LOC128462377: variants seen among roughly 807,000 people sequenced by gnomAD.
chr16:89,369,293 A>G, the LOC128462377 span, among the ~76,000 whole-genome samples: 1 of 152,184 alleles, frequency 6.6e-6, no homozygotes, highest in Non-Finnish European at 1.5e-5. Context: ...TCTCCACGAC[A>G]CTCGCAGGTC....
At chr16:89,377,040 G>A in the LOC128462377 span, among the ~76,000 whole-genome samples, 1 of 152,204 alleles carries the variant, frequency 6.6e-6, no homozygotes, top group South Asian at 2.1e-4. Flanking sequence ...TGCTTTGTCC[G>A]TGAAGTCAGG....
the LOC128462377 span, among the ~76,000 whole-genome samples, chr16:89,391,425 G>A: frequency 2.6e-5 from 4 of 152,194 alleles, no homozygotes; most frequent in African/African-American, 9.6e-5. Flanking sequence ...CAGGCTGCAC[G>A]GGATTGTGGG....
chr16:89,317,932 A>C, the LOC128462377 span, among the ~76,000 whole-genome samples: 1 of 152,142 alleles, frequency 6.6e-6, no homozygotes, highest in Non-Finnish European at 1.5e-5. Context: ...CCCTGCCTGA[A>C]ACCAGCGCAG....
At chr16:89,364,204 T>G in the LOC128462377 span, among the ~76,000 whole-genome samples, 1 of 152,240 alleles carries the variant, frequency 6.6e-6, no homozygotes, top group Non-Finnish European at 1.5e-5. Context: ...CTTCCACCTG[T>G]GCCCTCAGGC....
chr16:89,396,876 G>A, the LOC128462377 span, among the ~76,000 whole-genome samples: 23 of 152,180 alleles, frequency 1.5e-4, no homozygotes, highest in African/African-American at 4.8e-4. Context: ...TAGTAAAGAC[G>A]GGGTTTCACC....
At chr16:89,333,643 T>A in the LOC128462377 span, among the ~76,000 whole-genome samples, 2 of 152,208 alleles carry the variant, frequency 1.3e-5, no homozygotes, top group Non-Finnish European at 2.9e-5. Flanking sequence ...ACGGGCTGCT[T>A]TCACTCAGGC....
At chr16:89,415,778 A>G in the LOC128462377 span, among the ~76,000 whole-genome samples, 13 of 139,302 alleles carry the variant, frequency 9.3e-5, no homozygotes, top group South Asian at 9.8e-4. Context: ...CAGTGAGCCG[A>G]GATTGCACCA....
chr16:89,345,606 T>C, the LOC128462377 span, among the ~76,000 whole-genome samples: 1 of 152,162 alleles, frequency 6.6e-6, no homozygotes, highest in Non-Finnish European at 1.5e-5. Flanking sequence ...TACAGCGGCA[T>C]AAACAGGCTA....
At chr16:89,353,560 C>T in the LOC128462377 span, among the ~76,000 whole-genome samples, 2 of 151,862 alleles carry the variant, frequency 1.3e-5, no homozygotes, top group Non-Finnish European at 2.9e-5. Context: ...TCACTGCAAC[C>T]TCCGCCTTCC....
chr16:89,338,210 C>T, the LOC128462377 span, among the ~76,000 whole-genome samples: 1 of 152,184 alleles, frequency 6.6e-6, no homozygotes, highest in Middle Eastern at 3.4e-3. Context: ...GGGGGTGGGA[C>T]CTCTGCAGCC....
the LOC128462377 span, among the ~76,000 whole-genome samples, chr16:89,333,083 G>A: frequency 1.3e-5 from 2 of 152,194 alleles, no homozygotes; most frequent in South Asian, 2.1e-4. Flanking sequence ...GCAGAAAAAC[G>A]CCTGCCCCCT....
the LOC128462377 span, among the ~76,000 whole-genome samples, chr16:89,341,462 A>C: frequency 6.6e-6 from 1 of 152,188 alleles, no homozygotes; most frequent in Non-Finnish European, 1.5e-5. Flanking sequence ...AGGTTCCAGA[A>C]GGCCTGTGTG....
chr16:89,377,266 T>C, the LOC128462377 span, among the ~76,000 whole-genome samples: 1 of 151,722 alleles, frequency 6.6e-6, no homozygotes, highest in African/African-American at 2.4e-5. Context: ...ACTGTCAACA[T>C]GGGAGAGAGA....
the LOC128462377 span, among the ~76,000 whole-genome samples, chr16:89,332,020 C>T: frequency 6.6e-6 from 1 of 152,098 alleles, no homozygotes; most frequent in Non-Finnish European, 1.5e-5. Flanking sequence ...CATGCAGTGG[C>T]TGATGCCTCT....
the LOC128462377 span, among the ~76,000 whole-genome samples, chr16:89,334,346 G>A: frequency 2.0e-5 from 3 of 151,922 alleles, no homozygotes; most frequent in Non-Finnish European, 1.5e-5. Context: ...GGTGACATGT[G>A]AGGGTACCCC....
At chr16:89,412,728 C>T in the LOC128462377 span, among the ~76,000 whole-genome samples, 3 of 152,026 alleles carry the variant, frequency 2.0e-5, no homozygotes, top group Non-Finnish European at 2.9e-5. Flanking sequence ...TCCCTTAAGC[C>T]AGCTGTAAAA....
chr16:89,366,390 T>TA, the LOC128462377 span, among the ~76,000 whole-genome samples: 1 of 152,320 alleles, frequency 6.6e-6, no homozygotes, highest in Admixed American at 6.5e-5. Context: ...TTTTAGCTCT[T>TA]AGAGGAATCG....
At chr16:89,356,225 G>A in the LOC128462377 span, among the ~76,000 whole-genome samples, 2 of 151,824 alleles carry the variant, frequency 1.3e-5, no homozygotes, top group South Asian at 2.1e-4. Context: ...GAACTATTGT[G>A]GGTTTTTAAA....
chr16:89,330,159 C>T, the LOC128462377 span, among the ~76,000 whole-genome samples: 3 of 151,988 alleles, frequency 2.0e-5, no homozygotes, highest in Non-Finnish European at 2.9e-5. Flanking sequence ...TATAAAAATA[C>T]AAAAAGCAAT....
Sources: allele counts gnomAD v4.1 joint callset (sites outside exome capture counted in the v4.1 genomes callset), GRCh38; gene constraint gnomAD v4.1.1; transcripts MANE v1.5.